Variants in DMXL2 observed in about 807,000 individuals in gnomAD.
The protein encoded by DMXL2 is Dmx like 2, also known as dmX-like protein 2.
A neutral mutation model predicts 331.1 loss-of-function variants in DMXL2; 103 were observed. The ratio of observed to expected loss-of-function variants is 0.31; its 90% CI spans 0.27 to 0.37. The LOEUF (loss-of-function observed/expected upper bound fraction) is 0.37, where lower values mean the gene tolerates loss of function less well. Ranked by LOEUF, DMXL2 falls within the 10% of genes least tolerant of loss-of-function variation. The pLI is 1.00. For synonymous variants in DMXL2, 1,281 were observed against 1,252.1 expected, an observed-to-expected ratio of 1.02 and a Z score of -0.49; for missense variants, 3,171 against 3,642.9, an observed-to-expected ratio of 0.87 and a Z score of 3.33.
At chr15:51,590,936 T>G (rs893923138) in intron 1 of DMXL2, among the ~76,000 whole-genome samples, 1 of 151,878 alleles carries the variant, frequency 6.6e-6, no homozygotes, top group African/African-American at 2.4e-5. Context: ...TCATTAAAAA[T>G]AGCAGACAAG....
At chr15:51,518,048 C>T (rs1304570380) in intron 13 of DMXL2, among the ~76,000 whole-genome samples, 2 of 152,078 alleles carry the variant, frequency 1.3e-5, no homozygotes, top group African/African-American at 4.8e-5. Context: ...ATGGTGTTAA[C>T]AGGGCCAGGG....
At chr15:51,530,615 C>G (rs989038288) in intron 13 of DMXL2, among the ~76,000 whole-genome samples, 1 of 151,184 alleles carries the variant, frequency 6.6e-6, no homozygotes, top group Non-Finnish European at 1.5e-5. Flanking sequence ...ATTAGCCGGG[C>G]ATGGTGGCAC....
chr15:51,555,808 A>G (rs1197579830), intron 6 of DMXL2, among the ~76,000 whole-genome samples: 1 of 152,220 alleles, frequency 6.6e-6, no homozygotes, highest in African/African-American at 2.4e-5. Flanking sequence ...CAAAAGAAAA[A>G]GAAAATCTGA....
At position 51,499,907 on chromosome 15, in the gene DMXL2, A is replaced by G. The variant is rs1252088685; in HGVS notation, c.3317T>C (p.Ile1106Thr). Residue 1106 changes from isoleucine to threonine, a missense_variant, in exon 18 of 44, where the codon ATA (isoleucine) becomes ACA (threonine). This residue lies in a region of DMXL2 where 1,674 missense variants were observed against 1,780.2 expected (regional missense o/e 0.94). Transcript: ENST00000560891. ...VSKEFSMHVC[I>T]FECESTGGSE... is the part of the protein sequence containing the mutation. ...TCCTCCTGTAGATTCACATTCAAAT[A>G]TACAAACATGCATGGAAAATTCTTT... The G allele has an allele frequency of 6.2e-7, 1 of 1,614,156 alleles. No homozygotes were observed. Among genetic ancestry groups the G allele is most frequent in the Admixed American group, 1.7e-5 (1 of 60,020 alleles).
intron 20 of DMXL2, 23 bp downstream of exon 20, chr15:51,491,555 A>G: frequency 6.4e-7 from 1 of 1,574,640 alleles, no homozygotes. Flanking sequence ...AATATAACTC[A>G]AAATCCACTA....
chr15:51,598,041 T>C (rs898562765), intron 1 of DMXL2, among the ~76,000 whole-genome samples: 4 of 152,224 alleles, frequency 2.6e-5, no homozygotes, highest in Non-Finnish European at 4.4e-5. Context: ...ATATAGATGT[T>C]GCAATTCTTT....
rs1358341442 is a variant in DMXL2, at chr15:51,498,974, G to C, written c.4250C>G (p.Thr1417Ser). The C allele has an allele frequency of 6.2e-7, 1 of 1,614,006 alleles. No homozygotes were observed. The highest frequency in any genetic ancestry group is 1.1e-5 in the South Asian group (1 of 91,080). The change falls in exon 18 of 44, where the codon ACT becomes AGT. Residue 1417 changes from threonine (T) to serine (S), a missense_variant. Coordinates refer to ENST00000560891, the MANE Select transcript of DMXL2 (RefSeq NM_001378457.1). ...KETVTVGKDG[T>S]RDYTEIDSIP... Reference sequence around the variant, plus strand: ...AGAATCTATCTCAGTATAATCTCGAGTACCATCTTTTCCTACGGTGACTGT... The same window carrying C: ...AGAATCTATCTCAGTATAATCTCGACTACCATCTTTTCCTACGGTGACTGT...
chr15:51,493,483 C>T (rs141171721), intron 19 of DMXL2, among the ~76,000 whole-genome samples: 111 of 152,210 alleles, frequency 7.3e-4, no homozygotes, highest in African/African-American at 2.4e-3. Context: ...AACAGGGGCA[C>T]GAATAGGCAC....
Position 51,542,376 on chromosome 15 carries a change from T to C in DMXL2, c.1062A>G (p.Ala354=), listed in dbSNP as rs778173731. 6.2e-7 allele frequency: 1 copy of C among 1,613,764 alleles called. No individual in the cohort carries two copies. Among genetic ancestry groups the C allele is most frequent in the Non-Finnish European group, 8.5e-7 (1 of 1,179,782 alleles). The change falls in exon 9 of 44, where the codon GCA becomes GCG. Residue 354 remains alanine, a synonymous_variant. Transcript: ENST00000560891. Reference sequence around the variant, plus strand: ...TTGCTGCAATATGAAAATGACAGAGTGCATTTGCATGGTGGGAAATGTGTC... The same window carrying C: ...TTGCTGCAATATGAAAATGACAGAGCGCATTTGCATGGTGGGAAATGTGTC... ...VQRHISHHAN[A]LCHFHIAASI...
At chr15:51,593,878 A>T (rs1179595349) in intron 1 of DMXL2, among the ~76,000 whole-genome samples, 1 of 152,258 alleles carries the variant, frequency 6.6e-6, no homozygotes, top group Non-Finnish European at 1.5e-5. Context: ...GAGAACAAAG[A>T]CATGACATAC....
rs867565740 is a variant in DMXL2, at chr15:51,500,172, T to C, written c.3052A>G (p.Thr1018Ala). The C allele has an allele frequency of 1.2e-6, 2 of 1,614,176 alleles. No individual in the cohort carries two copies. Among genetic ancestry groups the C allele is most frequent in the Admixed American group, 3.3e-5 (2 of 60,026 alleles). Reference protein sequence around the residue: ...VCLAPYLVVTTCSDNKVRFWK... With the variant: ...VCLAPYLVVTACSDNKVRFWK... Reference sequence around the variant, plus strand: ...AAGCGTACTTTATTGTCAGAACAAGTTGTAACCACTAAATAAGGTGCAAGG... The same window carrying C: ...AAGCGTACTTTATTGTCAGAACAAGCTGTAACCACTAAATAAGGTGCAAGG... Residue 1018 changes from threonine to alanine, a missense_variant, in exon 18 of 44, where the codon ACT becomes GCT. Thr to Ala is a moderately conservative substitution (Grantham distance 58). This residue lies in a region of DMXL2 where 1,674 missense variants were observed against 1,780.2 expected (regional missense o/e 0.94). Coordinates refer to ENST00000560891, the MANE Select transcript of DMXL2 (RefSeq NM_001378457.1).
chr15:51,524,853 G>A (rs545579385), intron 13 of DMXL2, among the ~76,000 whole-genome samples: 240 of 152,072 alleles, frequency 1.6e-3, no homozygotes, highest in African/African-American at 5.5e-3. Flanking sequence ...GAGTCCTAGG[G>A]CTGAACTGGG....
chr15:51,449,326 C>T (rs2038930160), intron 43 of DMXL2, 133 bp from the exon 44 acceptor site: 1 of 734,978 alleles, frequency 1.4e-6, no homozygotes, highest in Non-Finnish European at 2.2e-6. Flanking sequence ...TTCCTAAGAG[C>T]TTATCTAAGT....
rs3078066 is a variant in DMXL2, at chr15:51,576,183, TAA to T, written c.88-4_88-3del. On this transcript the variant is annotated splice_region_variant and splice_polypyrimidine_tract_variant and intron_variant, in intron 1 of 43. Coordinates refer to ENST00000560891, the MANE Select transcript of DMXL2 (RefSeq NM_001378457.1). ...AATATCACAGCCTGATCCATATGCC[TAA>T]AAAAAAAAAAAAAAAAAAGTTTTAC... is the stretch of plus-strand genomic sequence containing the variant. 0.045 allele frequency: 27,322 copies of T among 602,562 alleles called. No individual in the cohort carries two copies. The highest frequency in any genetic ancestry group is 0.061 in the South Asian group (1,362 of 22,278). 37.3% of individuals were successfully genotyped at this position (602,562 alleles called of 1,614,324 possible). A position where few individuals can be genotyped will look rare whatever the true frequency, so the allele number is the denominator to read the frequency against.
chr15:51,509,698 T>A (rs1311892234), intron 15 of DMXL2, among the ~76,000 whole-genome samples: 6 of 152,178 alleles, frequency 3.9e-5, no homozygotes, highest in Admixed American at 3.9e-4. Flanking sequence ...CCTCCCTAAC[T>A]CATTTTATGA....
chr15:51,575,580 A>G (rs570051105), intron 2 of DMXL2, among the ~76,000 whole-genome samples: 63 of 152,316 alleles, frequency 4.1e-4, no homozygotes, highest in Non-Finnish European at 7.6e-4. Flanking sequence ...TGAATGAACC[A>G]TAAGACTCTT....
In DMXL2 at chr15:51,448,103, C is replaced by T. The variant is rs1815317014; in HGVS notation, c.*881G>A. On this transcript the variant is annotated 3_prime_UTR_variant, in exon 44 of 44. Coordinates refer to ENST00000560891, the MANE Select transcript of DMXL2 (RefSeq NM_001378457.1). ...AGGCTGTGGCAATAAATAATGTCAC[C>T]AATCTCATCAACTATTAACTGGCCA... The T allele has an allele frequency of 1.3e-5, 2 of 152,580 alleles. No homozygotes were observed. Among genetic ancestry groups the T allele is most frequent in the Admixed American group, 1.3e-4 (2 of 15,272 alleles). The allele number at this position is 152,580 out of a possible 1,614,324, so 9.5% of individuals were successfully genotyped here.
chr15:51,508,556 A>C (rs2046554248), intron 15 of DMXL2, among the ~76,000 whole-genome samples: 1 of 152,206 alleles, frequency 6.6e-6, no homozygotes, highest in African/African-American at 2.4e-5. Context: ...CTACATACCT[A>C]AAAATCCATT....
chr15:51,470,640 A>C (rs754816863), intron 29 of DMXL2, among the ~76,000 whole-genome samples: 1 of 152,338 alleles, frequency 6.6e-6, no homozygotes, highest in African/African-American at 2.4e-5. Context: ...TAACACATGT[A>C]AAGAGGGAAA....
Sources: gnomAD v4.1 joint callset for allele counts (sites outside exome capture counted in the v4.1 genomes callset) on GRCh38, gnomAD v4.1.1 for gene constraint, gnomAD v4.1.1 regional missense constraint, MANE v1.5 for transcripts, NCBI Gene and HGNC (gene_info 2026-07-23, HGNC 2026-07-21) for gene names.